TTN: variants seen among roughly 807,000 people sequenced by gnomAD.
TTN encodes titin.
A neutral mutation model predicts 3,223.0 loss-of-function variants in TTN; 1,525 were observed. That is an observed-to-expected ratio of 0.47 (90% confidence interval 0.45 to 0.49). TTN has a LOEUF of 0.49. TTN is among the 20% of genes least tolerant of loss of function. The pLI is 0.00. For missense variants in TTN, 40,786 were observed against 43,424.0 expected, an observed-to-expected ratio of 0.94 and a Z score of 5.40; for synonymous variants, 14,094 against 15,161.0, an observed-to-expected ratio of 0.93 and a Z score of 5.17.
Position 178,769,736 on chromosome 2 carries a change from C to A in TTN, c.8845G>T (p.Ala2949Ser). The stretch of plus-strand genomic sequence containing the variant: ...TTGCCACAGACAAATGTGTATTCTG[C>A]CGAGTCCTCTGTGCTGGTGTTCATG... ...IIMNTSTEDS[A>S]EYTFVCGNDQ... The change falls in exon 37 of 363, where the codon GCA becomes TCA. Residue 2949 changes from alanine to serine, a missense_variant. Physicochemically the swap from Ala to Ser is moderately conservative, Grantham distance 99. Coordinates refer to ENST00000589042, the MANE Select transcript of TTN (RefSeq NM_001267550.2). 1 of 1,613,870 alleles carries A rather than the reference C, an allele frequency of 6.2e-7. No individual in the cohort carries two copies. The highest frequency in any genetic ancestry group is 1.1e-5 in the South Asian group (1 of 91,072).
chr2:178,786,575 A>C (rs936912266), intron 13 of TTN, among the ~76,000 whole-genome samples: 18 of 152,126 alleles, frequency 1.2e-4, no homozygotes, highest in Non-Finnish European at 8.8e-5. Flanking sequence ...ATATAAGTGC[A>C]CTCAAATACC....
chr2:178,745,453 T>C, intron 47 of TTN: 1 of 1,490,444 alleles, frequency 6.7e-7, no homozygotes. Flanking sequence ...GATTATTTCT[T>C]TAGGGGTCTC....
Position 178,591,304 on chromosome 2 carries a change from A to G in TTN, c.60421T>C (p.Cys20141Arg). Reference sequence around the variant, plus strand: ...TATTCCCCAGTGTCTCTCCTTAAGCAGTTCTTAATGGTAAGTACTGATGAG... The same window carrying G: ...TATTCCCCAGTGTCTCTCCTTAAGCGGTTCTTAATGGTAAGTACTGATGAG... ...NFSSVLTIKN[C>R]LRRDTGEYQI... The change falls in exon 304 of 363, where the codon TGC becomes CGC. Residue 20141 changes from cysteine to arginine, a missense_variant. By Grantham distance (180) the Cys-to-Arg change is radical (BLOSUM62 -3). Transcript: ENST00000589042. 2 of 1,613,266 alleles carry G rather than the reference A, an allele frequency of 1.2e-6. No individual in the cohort carries two copies. Among genetic ancestry groups the G allele is most frequent in the Non-Finnish European group, 1.7e-6 (2 of 1,179,464 alleles).
At chr2:178,753,335 T>C (rs2086097095) in intron 46 of TTN, 155 bp from the exon 47 acceptor site, 4 of 582,820 alleles carry the variant, frequency 6.9e-6, no homozygotes, top group East Asian at 2.9e-5. Flanking sequence ...AAACAAACTA[T>C]TGAGCTGATA....
In TTN at chr2:178,785,652, T is replaced by G; in HGVS notation, c.2461A>C (p.Ile821Leu). ...CCATGTTCTGTCTTAGGAACAGAAA[T>G]TTTTGAAACAGTAAAGTGAGGGCTA... ...TASPHFTVSK[I>L]SVPKTEHGYE... Residue 821 changes from isoleucine to leucine, a missense_variant, in exon 15 of 363, where the codon ATT becomes CTT. Ile to Leu is a conservative substitution (Grantham distance 5, BLOSUM62 2). Transcript: ENST00000589042. 6.2e-7 allele frequency: 1 copy of G among 1,614,158 alleles called. No homozygotes were observed. Among genetic ancestry groups the G allele is most frequent in the Non-Finnish European group, 8.5e-7 (1 of 1,179,996 alleles).
rs1485381460 is a variant in TTN at position 178,667,717 on chromosome 2, A to C, written c.35550T>G (p.Tyr11850Ter). The change falls in exon 160 of 363, where the codon TAT (tyrosine) becomes TAG (stop). Residue 11850 changes from tyrosine (Y) to a stop codon, truncating the protein, a stop_gained. Transcript: ENST00000589042. LOFTEE classifies it high-confidence loss of function. Reference sequence around the variant, plus strand: ...CTAGGACTGCTTCTTCAGATGCTTCATAAACTTTAAAGATATTAGTATTTA... The same window carrying C: ...CTAGGACTGCTTCTTCAGATGCTTCCTAAACTTTAAAGATATTAGTATTTA... ...VISEDTEMYI[Y>*]EASEEAVLEE... 6.3e-7 allele frequency: 1 copy of C among 1,584,510 alleles called. No individual in the cohort carries two copies. The highest frequency in any genetic ancestry group is 8.5e-7 in the Non-Finnish European group (1 of 1,170,644).
rs1561093680 is a variant in TTN at position 178,757,178 on chromosome 2, A to AAGTACAGTAAGTAATACTGTACTTT, written c.10678+363_10678+364insAAAGTACAGTATTACTTACTGTACT. ...AAGTACAGTAAGTAATACTGTACTT[A>AAGTACAGTAAGTAATACTGTACTTT]CTTTAAGTACAGTAAGTAATACTGT... On this transcript the variant is annotated intron_variant, in intron 45 of 362. Transcript: ENST00000589042. Among the ~76,000 whole-genome samples, 2 of 90,554 alleles carry AAGTACAGTAAGTAATACTGTACTTT rather than the reference A, an allele frequency of 2.2e-5. 1 individual carries two copies. The highest frequency in any genetic ancestry group is 2.1e-4 in the Admixed American group (2 of 9,522). 59.4% of individuals were successfully genotyped at this position (90,554 alleles called of 152,430 possible). A position where few individuals can be genotyped will look rare whatever the true frequency, so the allele number is the denominator to read the frequency against.
rs773932096 is a variant in TTN, at chr2:178,552,557, C to G, written c.90343G>C (p.Val30115Leu). The G allele has an allele frequency of 6.2e-7, 1 of 1,613,788 alleles. No homozygotes were observed. Among genetic ancestry groups the G allele is most frequent in the Admixed American group, 1.7e-5 (1 of 59,994 alleles). Residue 30115 changes from valine to leucine, a missense_variant, in exon 335 of 363, where the codon GTC (valine) becomes CTC (leucine). Physicochemically the swap from Val to Leu is conservative, Grantham distance 32. Transcript: ENST00000589042. ...TTCACTGTAATTGGCCCAATAGTGACAGGATCACTCAGTCCTTTCTCATTT... is the reference window on the plus strand; with the variant it reads ...TTCACTGTAATTGGCCCAATAGTGAGAGGATCACTCAGTCCTTTCTCATTT... Reference protein sequence around the residue: ...AKNEKGLSDPVTIGPITVKEL... With the variant: ...AKNEKGLSDPLTIGPITVKEL...
chr2:178,723,486 C>T lies in TTN; in HGVS notation c.21614G>A (p.Gly7205Glu), dbSNP rs2078790720. ...ELFNIDISQS[G>E]EYTCVVSNNA... is the part of the protein sequence containing the mutation. ...GTTAGAAACCACACAGGTGTATTCC[C>T]CACTCTGAGATATGTCAATATTAAA... is the stretch of plus-strand genomic sequence containing the variant. Residue 7205 changes from glycine to glutamate, a missense_variant, in exon 74 of 363, where the codon GGG becomes GAG. Transcript: ENST00000589042. The T allele has an allele frequency of 6.2e-7, 1 of 1,613,260 alleles. No individual in the cohort carries two copies. Among genetic ancestry groups the T allele is most frequent in the South Asian group, 1.1e-5 (1 of 91,012 alleles).
rs371156190 is a variant in TTN at position 178,784,111 on chromosome 2, G to A, written c.2734C>T (p.Arg912Cys). Residue 912 changes from arginine to cysteine, a missense_variant, in exon 16 of 363, where the codon CGT becomes TGT. Transcript: ENST00000589042. The stretch of plus-strand genomic sequence containing the variant: ...TGCAGTACTTCAAAGCGCTCTTCAC[G>A]GACGGTGGTGCCAGTGATGCTCACC... ...VGVSITGTTVREERFEVLHGR... is the reference protein window; with the variant it reads ...VGVSITGTTVCEERFEVLHGR... 44 of 1,613,822 alleles carry A rather than the reference G, an allele frequency of 2.7e-5. No homozygotes were observed. Among genetic ancestry groups the A allele is most frequent in the South Asian group, 1.4e-4 (13 of 91,072 alleles).
In TTN at chr2:178,666,892, A is replaced by T. The variant is rs2066035145; in HGVS notation, c.35807T>A (p.Val11936Asp). The T allele has an allele frequency of 6.4e-7, 1 of 1,558,484 alleles. No individual in the cohort carries two copies. The highest frequency in any genetic ancestry group is 8.7e-7 in the Non-Finnish European group (1 of 1,152,032). ...TCCCTCTGGAATGACTTCCTTGAAG[A>T]CTTCAAACTCTTTAAAGATATTAGT... ...PEHPPTEEFE[V>D]FKEVIPEGET... is the part of the protein sequence containing the mutation. Residue 11936 changes from valine to aspartate, a missense_variant, in exon 163 of 363, where the codon GTC (valine) becomes GAC (aspartate). Val to Asp is a radical substitution (Grantham distance 152). Coordinates refer to ENST00000589042, the MANE Select transcript of TTN (RefSeq NM_001267550.2).
Position 178,779,445 on chromosome 2 carries a change from G to A in TTN, c.3747C>T (p.Ser1249=), listed in dbSNP as rs564425111. ...TTTCTTTAATAAGTCTCTCTTCAAA[G>A]GAAGAAATATGGAATTCCTATGCAA... ...YVEDQEFHIS[S]FEERLIKEIE... is the part of the protein sequence containing the mutation. Residue 1249 remains serine (S), a synonymous_variant, in exon 23 of 363, where the codon TCC becomes TCT. Coordinates refer to ENST00000589042, the MANE Select transcript of TTN (RefSeq NM_001267550.2). The A allele has an allele frequency of 1.3e-6, 2 of 1,546,834 alleles. No individual in the cohort carries two copies. Among genetic ancestry groups the A allele is most frequent in the South Asian group, 2.3e-5 (2 of 88,264 alleles).
chr2:178,552,109 T>C lies in TTN; in HGVS notation c.90791A>G (p.Lys30264Arg). 6.2e-7 allele frequency: 1 copy of C among 1,613,808 alleles called. No homozygotes were observed. The highest frequency in any genetic ancestry group is 8.5e-7 in the Non-Finnish European group (1 of 1,179,788). Residue 30264 changes from lysine to arginine, a missense_variant, in exon 335 of 363, where the codon AAG becomes AGG. Lys to Arg is a conservative substitution (Grantham distance 26). Transcript: ENST00000589042. ...GGEITCYSIE[K>R]RETSQTNWKM... The stretch of plus-strand genomic sequence containing the variant: ...CCAGTTAGTTTGTGAAGTTTCCCGC[T>C]TCTCGATGCTGTAACAAGTAATTTC...
rs1284407579 is a variant in TTN at position 178,553,937 on chromosome 2, A to G, written c.89174T>C (p.Phe29725Ser). 6.2e-7 allele frequency: 1 copy of G among 1,603,414 alleles called. No individual in the cohort carries two copies. Among genetic ancestry groups the G allele is most frequent in the South Asian group, 1.1e-5 (1 of 89,802 alleles). Reference sequence around the variant, plus strand: ...ACCAATAGGATCAGCAGCTTTGTAGAATTCAGATGGTTCAGAAAATGGACC... The same window carrying G: ...ACCAATAGGATCAGCAGCTTTGTAGGATTCAGATGGTTCAGAAAATGGACC... ...GQGPFSEPSEFYKAADPIDPP... is the reference protein window; with the variant it reads ...GQGPFSEPSESYKAADPIDPP... Residue 29725 changes from phenylalanine (F) to serine (S), a missense_variant, in exon 333 of 363, where the codon TTC becomes TCC. Coordinates refer to ENST00000589042, the MANE Select transcript of TTN (RefSeq NM_001267550.2).
intron 47 of TTN, chr2:178,745,975 T>C: frequency 6.2e-7 from 1 of 1,611,170 alleles, no homozygotes; most frequent in South Asian, 1.1e-5. Context: ...TCACAGCAAA[T>C]ATTTCAGAAT....
At position 178,609,875 on chromosome 2, in the gene TTN, A is replaced by G. The variant is rs757000767; in HGVS notation, c.51548T>C (p.Ile17183Thr). The G allele has an allele frequency of 1.9e-6, 3 of 1,612,796 alleles. No homozygotes were observed. The highest frequency in any genetic ancestry group is 2.7e-5 in the African/African-American group (2 of 74,798). The stretch of plus-strand genomic sequence containing the variant: ...TTCACCCTTAGCAATCTTCTCTATG[A>G]TGTAGCCCATTATCTTGCTCCCTCC... ...YDGGSKIMGYIIEKIAKGEER... is the reference protein window; with the variant it reads ...YDGGSKIMGYTIEKIAKGEER... Residue 17183 changes from isoleucine to threonine, a missense_variant, in exon 272 of 363, where the codon ATC becomes ACC. Transcript: ENST00000589042.
rs1432359525 is a variant in TTN at position 178,599,847 on chromosome 2, G to A, written c.56054C>T (p.Pro18685Leu). Reference sequence around the variant, plus strand: ...GAATTCTTTTAGATCAATTGATGGTGGGCCTAGATTATTTAAAAAAAGTTG... The same window carrying A: ...GAATTCTTTTAGATCAATTGATGGTAGGCCTAGATTATTTAAAAAAAGTTG... ...GPVTVKDQTC[P>L]PSIDLKEFME... The change falls in exon 289 of 363, where the codon CCA (proline) becomes CTA (leucine). Residue 18685 changes from proline (P) to leucine (L), a missense_variant. By Grantham distance (98) the Pro-to-Leu change is moderately conservative. Coordinates refer to ENST00000589042, the MANE Select transcript of TTN (RefSeq NM_001267550.2). 6.4e-7 allele frequency: 1 copy of A among 1,564,794 alleles called. No individual in the cohort carries two copies. Among genetic ancestry groups the A allele is most frequent in the Non-Finnish European group, 8.6e-7 (1 of 1,158,798 alleles).
At chr2:178,696,599 T>C (rs2154283261) in intron 113 of TTN, among the ~76,000 whole-genome samples, 1 of 152,192 alleles carries the variant, frequency 6.6e-6, no homozygotes, top group Admixed American at 6.5e-5. Context: ...TAATATTCGA[T>C]AAGTTCATGG....
chr2:178,541,424 T>C lies in TTN; in HGVS notation c.97653A>G (p.Lys32551=), dbSNP rs750320908. 1.9e-6 allele frequency: 3 copies of C among 1,613,342 alleles called. No individual in the cohort carries two copies. In the African/African-American group the frequency reaches 4.0e-5, roughly 22 times the overall value. ...GGTACCGTGTCATTGTCACAGGTAC[T>C]TTATTTACACGGACCCATCGATCTG... ...VRADRWVRVN[K]VPVTMTRYRS... is the part of the protein sequence containing the mutation. Residue 32551 remains lysine (K), a synonymous_variant, in exon 350 of 363, where the codon AAA becomes AAG. Transcript: ENST00000589042.
Sources: gnomAD v4.1 joint callset for allele counts (sites outside exome capture counted in the v4.1 genomes callset) on GRCh38, gnomAD v4.1.1 for gene constraint, MANE v1.5 for transcripts, NCBI Gene and HGNC (gene_info 2026-07-23, HGNC 2026-07-21) for gene names.